Variants in DHRS4 observed in about 807,000 individuals in gnomAD.
DHRS4 encodes the protein dehydrogenase/reductase SDR family member 4.
Under a neutral mutation model 28.4 loss-of-function variants are expected in DHRS4, and 20 were observed. That is an observed-to-expected ratio of 0.71 (90% CI 0.50 to 1.02). DHRS4 has a LOEUF of 1.02. DHRS4 is among the 50% of genes least tolerant of loss of function. DHRS4 has a pLI of 0.00. For synonymous variants in DHRS4, 144 were observed against 146.4 expected (o/e 0.98, Z 0.12); for missense variants, 378 against 367.2 (o/e 1.03, Z -0.24).
intron 3 of DHRS4, among the ~76,000 whole-genome samples, chr14:23,963,436 A>T (rs1297914885): frequency 4.9e-5 from 7 of 141,550 alleles, no homozygotes; most frequent in Admixed American, 4.9e-4. Context: ...TCGCTGCTTC[A>T]TCTTGCACTT....
chr14:23,954,123 A>G (rs1187876069), intron 1 of DHRS4: 16 of 728,982 alleles, frequency 2.2e-5, no homozygotes, highest in Admixed American at 6.0e-5. Context: ...TGTCCCTGCT[A>G]CCTCTGGCAC....
At position 23,955,178 on chromosome 14, in the gene DHRS4, G is replaced by A. The variant is rs1477841487; in HGVS notation, c.272G>A (p.Gly91Glu). ...LSVTGTVCHV[G>E]KAEDRERLVA... ...GTGACGGGCACCGTGTGCCATGTGG[G>A]GAAGGCGGAGGACCGGGAGCGGCTG... Residue 91 changes from glycine to glutamate, a missense_variant, in exon 2 of 8, where the codon GGG (glycine) becomes GAG (glutamate). By Grantham distance (98) the Gly-to-Glu change is moderately conservative (BLOSUM62 -2). Coordinates refer to ENST00000313250, the MANE Select transcript of DHRS4 (RefSeq NM_021004.4). The A allele has an allele frequency of 3.1e-6, 5 of 1,613,710 alleles. No homozygotes were observed. In the Admixed American group the frequency reaches 5.0e-5, roughly 16 times the overall value.
intron 7 of DHRS4, 118 bp from the exon 8 acceptor site, chr14:23,968,639 G>A (rs2033728105): frequency 1.3e-6 from 2 of 1,530,380 alleles, no homozygotes; most frequent in East Asian, 4.9e-5. Context: ...CTTGTACACT[G>A]ACCCTGAAAA....
chr14:23,957,472 A>T (rs1474490976), intron 2 of DHRS4, among the ~76,000 whole-genome samples: 1 of 151,968 alleles, frequency 6.6e-6, no homozygotes, highest in East Asian at 2.0e-4. Context: ...TTAAAAATGT[A>T]TAACTATCAG....
intron 2 of DHRS4, among the ~76,000 whole-genome samples, chr14:23,957,824 T>A (rs1172297713): frequency 6.7e-6 from 1 of 149,550 alleles, no homozygotes; most frequent in Non-Finnish European, 1.5e-5. Flanking sequence ...GTGCTAGGAT[T>A]ATAGGTGTGA....
chr14:23,959,353 T>C (rs1420462111), intron 2 of DHRS4, among the ~76,000 whole-genome samples: 1 of 151,922 alleles, frequency 6.6e-6, no homozygotes, highest in African/African-American at 2.4e-5. Flanking sequence ...AGCCCAGGAG[T>C]TCCAGACCAG....
intron 3 of DHRS4, among the ~76,000 whole-genome samples, chr14:23,963,804 T>C (rs1401609120): frequency 1.3e-5 from 2 of 149,200 alleles, no homozygotes; most frequent in African/African-American, 5.1e-5. Flanking sequence ...CTCACTAAGC[T>C]TAATTGTTTC....
intron 6 of DHRS4, 89 bp from the exon 7 acceptor site, chr14:23,967,122 C>A: frequency 2.6e-6 from 4 of 1,514,206 alleles, no homozygotes; most frequent in Non-Finnish European, 3.5e-6. Context: ...CCACTACAGT[C>A]CGGCCTGGGC....
At chr14:23,967,165 A>G in intron 6 of DHRS4, 46 bp from the exon 7 acceptor site, 1 of 1,572,166 alleles carries the variant, frequency 6.4e-7, no homozygotes, top group Non-Finnish European at 8.6e-7. Flanking sequence ...AAAAAGAAAA[A>G]GAAAAAGAAA....
intron 2 of DHRS4, among the ~76,000 whole-genome samples, chr14:23,958,547 T>C (rs1246036739): frequency 1.3e-5 from 2 of 152,202 alleles, no homozygotes; most frequent in African/African-American, 4.8e-5. Context: ...AGATGTTGCC[T>C]TTCTTCGCCT....
chr14:23,958,991 T>C (rs1044299803), intron 2 of DHRS4, among the ~76,000 whole-genome samples: 11 of 152,236 alleles, frequency 7.2e-5, no homozygotes, highest in African/African-American at 2.7e-4. Flanking sequence ...CCCTCCAGGG[T>C]AACTTTCTAC....
At chr14:23,966,442 G>A in intron 6 of DHRS4, 25 bp downstream of exon 6, 1 of 1,612,994 alleles carries the variant, frequency 6.2e-7, no homozygotes, top group Non-Finnish European at 8.5e-7. Flanking sequence ...CTTTGCATTT[G>A]ACTGGGACCC....
At chr14:23,954,000 G>A (rs747662016) in intron 1 of DHRS4, 84 bp downstream of exon 1, 5 of 1,527,590 alleles carry the variant, frequency 3.3e-6, no homozygotes, top group Non-Finnish European at 4.4e-6. Context: ...CGGTGCCCCT[G>A]TCCTCAGACC....
chr14:23,960,743 C>T (rs1314520798), intron 3 of DHRS4, among the ~76,000 whole-genome samples: 3 of 152,008 alleles, frequency 2.0e-5, no homozygotes, highest in South Asian at 2.1e-4. Context: ...CATGGTTCTG[C>T]GTTTTACACT....
chr14:23,956,100 T>C (rs1277714222), intron 2 of DHRS4, among the ~76,000 whole-genome samples: 1 of 152,200 alleles, frequency 6.6e-6, no homozygotes, highest in Non-Finnish European at 1.5e-5. Flanking sequence ...ATAGGGTAAT[T>C]CCATTTTTAA....
At chr14:23,964,339 A>C (rs548311543) in intron 3 of DHRS4, among the ~76,000 whole-genome samples, 1 of 150,142 alleles carries the variant, frequency 6.7e-6, no homozygotes, top group African/African-American at 2.4e-5. Context: ...CAGTATGACA[A>C]ATCCAAACAT....
intron 3 of DHRS4, among the ~76,000 whole-genome samples, chr14:23,964,787 G>A (rs1160135565): frequency 1.4e-5 from 2 of 146,252 alleles, no homozygotes; most frequent in Non-Finnish European, 3.0e-5. Context: ...TGTTGCCCAG[G>A]CTGTTCTCGA....
Position 23,955,200 on chromosome 14 carries a change from G to T in DHRS4, c.294G>T (p.Arg98=), listed in dbSNP as rs776268240. 5 of 1,613,134 alleles carry T rather than the reference G, an allele frequency of 3.1e-6. No individual in the cohort carries two copies. In the East Asian group the frequency reaches 6.7e-5, roughly 22 times the overall value. Residue 98 remains arginine, a synonymous_variant, in exon 2 of 8, where the codon CGG becomes CGT. Coordinates refer to ENST00000313250, the MANE Select transcript of DHRS4 (RefSeq NM_021004.4). ...TGGGGAAGGCGGAGGACCGGGAGCGGCTGGTGGCCACGGTGAGCTGCAGGG... is the reference window on the plus strand; with the variant it reads ...TGGGGAAGGCGGAGGACCGGGAGCGTCTGGTGGCCACGGTGAGCTGCAGGG... The part of the protein sequence containing the change: ...CHVGKAEDRE[R]LVATAVKLHG...
At chr14:23,965,857 G>A in intron 4 of DHRS4, 25 bp downstream of exon 4, 1 of 1,606,744 alleles carries the variant, frequency 6.2e-7, no homozygotes, top group Non-Finnish European at 8.5e-7. Flanking sequence ...AGAGAGCCTG[G>A]GTGAGAGGGG....
Sources: allele counts gnomAD v4.1 joint callset (sites outside exome capture counted in the v4.1 genomes callset), GRCh38; gene constraint gnomAD v4.1.1; transcripts MANE v1.5; gene names NCBI Gene and HGNC (gene_info 2026-07-23, HGNC 2026-07-21).